Variants in VPS13B observed in about 807,000 individuals in gnomAD.
The protein encoded by VPS13B is intermembrane lipid transfer protein VPS13B.
Under a neutral mutation model 426.4 loss-of-function variants are expected in VPS13B, and 285 were observed. That is an observed-to-expected ratio of 0.67 (90% CI 0.61 to 0.74). VPS13B has a LOEUF of 0.74. Among genes scored for constraint, VPS13B ranks in the 30% least tolerant of loss-of-function variants. The pLI is 0.00. For synonymous variants in VPS13B, 1,676 were observed against 1,676.4 expected (o/e 1.00, Z 0.01); for missense variants, 4,537 against 4,782.6 (o/e 0.95, Z 1.51).
chr8:99,231,202 G>A (rs945046609), intron 17 of VPS13B, among the ~76,000 whole-genome samples: 1 of 151,974 alleles, frequency 6.6e-6, no homozygotes, highest in Non-Finnish European at 1.5e-5. Flanking sequence ...TATAGAAATC[G>A]TGATTTCACA....
chr8:99,698,419 C>T (rs1588634537), intron 35 of VPS13B, among the ~76,000 whole-genome samples: 1 of 152,342 alleles, frequency 6.6e-6, no homozygotes, highest in East Asian at 1.9e-4. Flanking sequence ...CTCAGAGGTT[C>T]ATGAGACACA....
chr8:99,367,170 C>A (rs73287852), intron 19 of VPS13B, among the ~76,000 whole-genome samples: 2,539 of 152,188 alleles, frequency 0.017, 64 homozygotes, highest in African/African-American at 0.058. Flanking sequence ...TTTAGCATTT[C>A]TTTTAGGACA....
intron 30 of VPS13B, among the ~76,000 whole-genome samples, chr8:99,548,028 G>A (rs948024871): frequency 5.9e-5 from 9 of 151,924 alleles, no homozygotes; most frequent in South Asian, 4.1e-4. Context: ...ACAATATAAC[G>A]CTTTTTTATT....
At chr8:99,082,942 C>T (rs1002710302) in intron 3 of VPS13B, among the ~76,000 whole-genome samples, 19 of 152,070 alleles carry the variant, frequency 1.2e-4, no homozygotes, top group South Asian at 4.1e-4. Flanking sequence ...CTTGGCAATG[C>T]GGGCTCTTTT....
chr8:99,496,422 C>T (rs990780196), intron 25 of VPS13B, among the ~76,000 whole-genome samples: 3 of 152,090 alleles, frequency 2.0e-5, no homozygotes, highest in East Asian at 1.9e-4. Context: ...GAGGCTGAGG[C>T]GGGTAGATCA....
intron 11 of VPS13B, 48 bp from the exon 12 acceptor site, chr8:99,136,617 A>T (rs983820371): frequency 6.2e-7 from 1 of 1,600,782 alleles, no homozygotes. Flanking sequence ...TAAACTCAAA[A>T]GTTTCTTTTA....
intron 20 of VPS13B, among the ~76,000 whole-genome samples, chr8:99,388,795 C>G (rs778912989): frequency 1.3e-5 from 2 of 152,190 alleles, no homozygotes; most frequent in Non-Finnish European, 2.9e-5. Flanking sequence ...AAGAGCCTTA[C>G]TCTTGTGTTA....
chr8:99,820,032 T>A lies in VPS13B; in HGVS notation c.8904T>A (p.Asn2968Lys), dbSNP rs2130817687. ...IELLPWALLI[N>K]ESKWDLWLFE... Reference sequence around the variant, plus strand: ...TTCTGCCCTGGGCCCTGCTTATCAATGAATCCAAATGGGACCTCTGGCTAT... The same window carrying A: ...TTCTGCCCTGGGCCCTGCTTATCAAAGAATCCAAATGGGACCTCTGGCTAT... The change falls in exon 49 of 62, where the codon AAT becomes AAA. Residue 2968 changes from asparagine (N) to lysine (K), a missense_variant. By Grantham distance (94) the Asn-to-Lys change is moderately conservative. Coordinates refer to ENST00000357162, the MANE Select transcript of VPS13B (RefSeq NM_152564.5). 1.2e-6 allele frequency: 2 copies of A among 1,614,060 alleles called. No homozygotes were observed. The highest frequency in any genetic ancestry group is 4.5e-5 in the East Asian group (2 of 44,876).
chr8:99,749,182 A>G (rs970809992), intron 39 of VPS13B, among the ~76,000 whole-genome samples: 2 of 152,044 alleles, frequency 1.3e-5, no homozygotes, highest in Non-Finnish European at 2.9e-5. Context: ...TAATAATCAC[A>G]ACAGGGTAAA....
chr8:99,507,497 T>C (rs1330507675), intron 28 of VPS13B, among the ~76,000 whole-genome samples: 1 of 152,248 alleles, frequency 6.6e-6, no homozygotes, highest in Non-Finnish European at 1.5e-5. Context: ...CTTTTTGGAA[T>C]TGTTTCCCAA....
chr8:99,378,141 C>A (rs1438259284), intron 19 of VPS13B, among the ~76,000 whole-genome samples: 4 of 138,180 alleles, frequency 2.9e-5, no homozygotes, highest in South Asian at 2.6e-4. Flanking sequence ...AGAGCCCCCC[C>A]CCCCCGGAAT....
At chr8:99,063,029 C>G (rs986125016) in intron 3 of VPS13B, among the ~76,000 whole-genome samples, 5 of 151,974 alleles carry the variant, frequency 3.3e-5, no homozygotes, top group African/African-American at 1.2e-4. Context: ...TTTTAGGAGC[C>G]AGAGTCTCTT....
At chr8:99,497,087 A>AAT (rs1233714430) in intron 25 of VPS13B, among the ~76,000 whole-genome samples, 1 of 143,808 alleles carries the variant, frequency 7.0e-6, no homozygotes. Flanking sequence ...AATATATATA[A>AAT]ATATATATAT....
intron 54 of VPS13B, among the ~76,000 whole-genome samples, chr8:99,845,782 T>C (rs1563504877): frequency 6.6e-6 from 1 of 152,122 alleles, no homozygotes; most frequent in Non-Finnish European, 1.5e-5. Flanking sequence ...ATTGTAAATA[T>C]TTTAGGTTTT....
chr8:99,096,960 T>C (rs1846461711), intron 4 of VPS13B, among the ~76,000 whole-genome samples: 1 of 152,120 alleles, frequency 6.6e-6, no homozygotes, highest in African/African-American at 2.4e-5. Flanking sequence ...AGGCCAGACT[T>C]TGGATTCTGC....
intron 19 of VPS13B, chr8:99,341,849 A>T: frequency 5.2e-6 from 1 of 192,644 alleles, no homozygotes; most frequent in South Asian, 1.0e-4. Flanking sequence ...AATAGAGACC[A>T]TAGTCAAGAG....
At chr8:99,742,129 AT>A (rs1477577905) in intron 39 of VPS13B, among the ~76,000 whole-genome samples, 1 of 152,234 alleles carries the variant, frequency 6.6e-6, no homozygotes, top group Non-Finnish European at 1.5e-5. Flanking sequence ...TCAATGAAAA[AT>A]GATGAAGGGG....
intron 3 of VPS13B, among the ~76,000 whole-genome samples, chr8:99,076,612 CTT>C (rs71273161): frequency 2.1e-5 from 3 of 139,728 alleles, no homozygotes; most frequent in Non-Finnish European, 3.1e-5. Context: ...ATGACTTTGT[CTT>C]TTTTTTTTTT....
chr8:99,318,571 G>C (rs1809796426), intron 19 of VPS13B, among the ~76,000 whole-genome samples: 1 of 152,110 alleles, frequency 6.6e-6, no homozygotes, highest in African/African-American at 2.4e-5. Flanking sequence ...CCAGGCTAGA[G>C]TGCAGTGGCA....
Sources: allele counts gnomAD v4.1 joint callset (sites outside exome capture counted in the v4.1 genomes callset), GRCh38; gene constraint gnomAD v4.1.1; transcripts MANE v1.5; gene names NCBI Gene and HGNC (gene_info 2026-07-23, HGNC 2026-07-21).